R3HDM1: variants seen among roughly 807,000 people sequenced by gnomAD.
R3HDM1 encodes R3H domain-containing protein 1.
A neutral mutation model predicts 141.1 loss-of-function variants in R3HDM1; 46 were observed. The observed-to-expected ratio is 0.33, with a 90% CI of 0.26 to 0.42. The LOEUF (loss-of-function observed/expected upper bound fraction) is 0.42. Ranked by LOEUF, R3HDM1 falls within the 10% of genes least tolerant of loss-of-function variation. R3HDM1 has a pLI of 1.00. For synonymous variants in R3HDM1, 435 were observed against 472.9 expected, an observed-to-expected ratio of 0.92 and a Z score of 1.04; for missense variants, 1,184 against 1,368.3, an observed-to-expected ratio of 0.87 and a Z score of 2.12.
At chr2:135,612,710 A>G (rs1205082002) in intron 3 of R3HDM1, among the ~76,000 whole-genome samples, 5 of 152,232 alleles carry the variant, frequency 3.3e-5, no homozygotes, top group African/African-American at 7.2e-5. Context: ...ATACAGGTCT[A>G]TTAAACAAGC....
intron 23 of R3HDM1, among the ~76,000 whole-genome samples, chr2:135,712,550 G>A (rs1481828654): frequency 1.3e-5 from 2 of 151,336 alleles, no homozygotes; most frequent in Non-Finnish European, 2.9e-5. Flanking sequence ...GGGATCATAG[G>A]CTTGAGCCGC....
rs202144929 is a variant in R3HDM1, at chr2:135,699,045, A to AGATTGATAGATT, written c.2460-10388_2460-10387insGATTGATAGATT. Among the ~76,000 whole-genome samples, 796 of 129,874 alleles carry AGATTGATAGATT rather than the reference A, an allele frequency of 6.1e-3. 18 individuals carry two copies. Among genetic ancestry groups the AGATTGATAGATT allele is most frequent in the Middle Eastern group, 0.015 (4 of 264 alleles). 85.2% of individuals were successfully genotyped at this position (129,874 alleles called of 152,430 possible). A position where few individuals can be genotyped will look rare whatever the true frequency, so the allele number is the denominator to read the frequency against. ...TAGATAGATAGATAGATAGATAGAT[A>AGATTGATAGATT]AGATAGATAAGATAGATTGATTAGA... On this transcript the variant is annotated intron_variant, in intron 21 of 26. Coordinates refer to ENST00000683871, the MANE Select transcript of R3HDM1 (RefSeq NM_001378107.1).
chr2:135,648,496 T>C lies in R3HDM1; in HGVS notation c.1624-1406T>C, dbSNP rs2289962. ...TCTCTGAAGACAACATGCAGAGATATTGTTCAGAAGGAGATGCATGAATAT... is the reference window on the plus strand; with the variant it reads ...TCTCTGAAGACAACATGCAGAGATACTGTTCAGAAGGAGATGCATGAATAT... On this transcript the variant is annotated intron_variant, in intron 16 of 26. Coordinates refer to ENST00000683871, the MANE Select transcript of R3HDM1 (RefSeq NM_001378107.1). 0.011 allele frequency among the ~76,000 whole-genome samples: 1,622 copies of C among 152,276 alleles called. 100 individuals carry two copies. In the East Asian group the frequency reaches 0.19, roughly 18 times the overall value.
At chr2:135,571,400 A>T (rs377155108) in intron 1 of R3HDM1, among the ~76,000 whole-genome samples, 1 of 151,902 alleles carries the variant, frequency 6.6e-6, no homozygotes, top group East Asian at 1.9e-4. Context: ...ATCTCGGCTC[A>T]TTGCAACCTC....
At chr2:135,701,243 A>C (rs1415040591) in intron 21 of R3HDM1, among the ~76,000 whole-genome samples, 5 of 151,100 alleles carry the variant, frequency 3.3e-5, no homozygotes, top group African/African-American at 7.3e-5. Context: ...AAAAAAAAAA[A>C]ACTATAAAAA....
chr2:135,690,943 A>G (rs2072277722), intron 21 of R3HDM1, among the ~76,000 whole-genome samples: 1 of 152,236 alleles, frequency 6.6e-6, no homozygotes, highest in South Asian at 2.1e-4. Context: ...GCAACATTTC[A>G]TGAAAAAACC....
chr2:135,657,101 A>C (rs1057036015), intron 18 of R3HDM1, among the ~76,000 whole-genome samples: 1 of 150,404 alleles, frequency 6.6e-6, no homozygotes, highest in African/African-American at 2.5e-5. Flanking sequence ...ATCTCAATTA[A>C]AAAAAGAGAG....
intron 1 of R3HDM1, among the ~76,000 whole-genome samples, chr2:135,570,057 C>G (rs1703761752): frequency 6.6e-6 from 1 of 152,128 alleles, no homozygotes; most frequent in African/African-American, 2.4e-5. Context: ...AACTCTTGAT[C>G]CATTTGTTGT....
intron 1 of R3HDM1, among the ~76,000 whole-genome samples, chr2:135,589,073 A>G (rs546291554): frequency 1.2e-4 from 19 of 152,294 alleles, no homozygotes; most frequent in African/African-American, 4.6e-4. Flanking sequence ...ACGTGTTTAG[A>G]TAATCACAAA....
chr2:135,680,659 G>T (rs2070126687), intron 21 of R3HDM1, among the ~76,000 whole-genome samples: 1 of 152,262 alleles, frequency 6.6e-6, no homozygotes, highest in East Asian at 1.9e-4. Context: ...GATCGCAACT[G>T]CTCGGGAGGC....
intron 24 of R3HDM1, among the ~76,000 whole-genome samples, chr2:135,720,440 G>A (rs1363372000): frequency 3.3e-5 from 5 of 152,132 alleles, no homozygotes; most frequent in African/African-American, 1.2e-4. Flanking sequence ...AACACAAAAT[G>A]TACTAAATTT....
chr2:135,649,137 C>T (rs2064834487), intron 16 of R3HDM1: 1 of 151,424 alleles, frequency 6.6e-6, no homozygotes, highest in Non-Finnish European at 1.5e-5. Flanking sequence ...GCGACCTCGG[C>T]TCACTGCAAG....
At chr2:135,536,259 G>A (rs1696087863) in intron 1 of R3HDM1, among the ~76,000 whole-genome samples, 1 of 152,080 alleles carries the variant, frequency 6.6e-6, no homozygotes, top group South Asian at 2.1e-4. Context: ...CCCATCTTAT[G>A]CTCCCAAGTA....
At chr2:135,573,647 AAAAG>A (rs1414410019) in intron 1 of R3HDM1, among the ~76,000 whole-genome samples, 1 of 151,770 alleles carries the variant, frequency 6.6e-6, no homozygotes, top group Non-Finnish European at 1.5e-5. Flanking sequence ...ATAGGGGAGA[AAAAG>A]AAGGTACATA....
intron 1 of R3HDM1, 76 bp downstream of exon 1, chr2:135,531,709 C>T: frequency 2.0e-6 from 2 of 986,150 alleles, no homozygotes; most frequent in Non-Finnish European, 2.4e-6. Context: ...GCCCGCCAAC[C>T]GGTAGCGCTA....
chr2:135,621,316 A>G (rs2061493151), intron 5 of R3HDM1, among the ~76,000 whole-genome samples, 178 bp from the exon 6 acceptor site: 2 of 152,054 alleles, frequency 1.3e-5, no homozygotes, highest in East Asian at 1.9e-4. Context: ...CATTTTATAT[A>G]AAGTATTTGA....
At chr2:135,711,460 G>A (rs1328174113) in intron 23 of R3HDM1, among the ~76,000 whole-genome samples, 5 of 151,904 alleles carry the variant, frequency 3.3e-5, no homozygotes, top group African/African-American at 9.7e-5. Flanking sequence ...GCAGGAGTTC[G>A]AGACCAGCCT....
intron 1 of R3HDM1, among the ~76,000 whole-genome samples, chr2:135,579,539 A>G (rs528554391): frequency 2.0e-5 from 3 of 151,228 alleles, no homozygotes; most frequent in Admixed American, 1.3e-4. Flanking sequence ...CAAGGTCACA[A>G]AATATCTCCC....
chr2:135,606,118 T>C (rs1395435279), intron 3 of R3HDM1: 1 of 152,356 alleles, frequency 6.6e-6, no homozygotes, highest in African/African-American at 2.4e-5. Flanking sequence ...GGACTTGGTC[T>C]GGAGCATCCC....
Sources: allele counts gnomAD v4.1 joint callset (sites outside exome capture counted in the v4.1 genomes callset), GRCh38; gene constraint gnomAD v4.1.1; transcripts MANE v1.5; gene names NCBI Gene and HGNC (gene_info 2026-07-23, HGNC 2026-07-21).